Variants in LINGO1 observed in about 807,000 individuals in gnomAD.
LINGO1 encodes leucine rich repeat and Ig domain containing 1, also known as leucine-rich repeat and immunoglobulin-like domain-containing nogo receptor-interacting protein 1.
LINGO1 carries 11 observed loss-of-function variants against 37.3 expected under a neutral mutation model. The ratio of observed to expected loss-of-function variants is 0.29; its 90% CI spans 0.19 to 0.49. The LOEUF (loss-of-function observed/expected upper bound fraction) is 0.49, where lower values mean the gene tolerates loss of function less well. Among genes scored for constraint, LINGO1 ranks in the 20% least tolerant of loss-of-function variants. The probability of loss-of-function intolerance (pLI) is 0.99; values close to 1 mark genes in which losing one functional copy is unlikely to be tolerated. For missense variants in LINGO1, 585 were observed against 878.2 expected, an observed-to-expected ratio of 0.67 and a Z score of 4.22; for synonymous variants, 387 against 403.0, an observed-to-expected ratio of 0.96 and a Z score of 0.48.
intron 1 of LINGO1, among the ~76,000 whole-genome samples, chr15:77,754,186 G>A (rs1408150479): frequency 2.0e-5 from 3 of 150,278 alleles, no homozygotes; most frequent in African/African-American, 4.9e-5. Flanking sequence ...GGAGGGAGCA[G>A]GAGCAAGAGG....
At position 77,615,622 on chromosome 15, in the gene LINGO1, C is replaced by T. The variant is rs761129304; in HGVS notation, c.285G>A (p.Pro95=). The T allele has an allele frequency of 2.9e-5, 46 of 1,611,570 alleles. No individual in the cohort carries two copies. Among genetic ancestry groups the T allele is most frequent in the African/African-American group, 2.5e-4 (19 of 74,740 alleles). ...CGTTGAGCTCCAGCTCCTCCAGGTG[C>T]GGGAAGCTGGCGAACTCGTCCTGGT... ...TLNQDEFASF[P]HLEELELNEN... Residue 95 remains proline (P), a synonymous_variant, in exon 2 of 2, where the codon CCG becomes CCA. Coordinates refer to ENST00000355300, the MANE Select transcript of LINGO1 (RefSeq NM_032808.7).
chr15:77,816,592 C>T (rs903880830), intron 1 of LINGO1, among the ~76,000 whole-genome samples: 3 of 152,160 alleles, frequency 2.0e-5, no homozygotes, highest in Admixed American at 6.5e-5. Flanking sequence ...TCACACTGGG[C>T]ACTGCTCCCT....
chr15:77,682,447 T>C (rs1220604420), intron 2 of LINGO1, among the ~76,000 whole-genome samples: 1 of 152,072 alleles, frequency 6.6e-6, no homozygotes, highest in African/African-American at 2.4e-5. Context: ...TATGTGTTCC[T>C]ATGTCCATGT....
chr15:77,681,612 T>A (rs1567517477), intron 2 of LINGO1, among the ~76,000 whole-genome samples: 1 of 152,136 alleles, frequency 6.6e-6, no homozygotes, highest in Non-Finnish European at 1.5e-5. Context: ...CCTTGAATGG[T>A]TTTTGCTGAT....
chr15:77,627,805 T>C (rs185825554), intron 1 of LINGO1, among the ~76,000 whole-genome samples: 3 of 152,158 alleles, frequency 2.0e-5, no homozygotes, highest in Non-Finnish European at 2.9e-5. Flanking sequence ...TCATCCTACT[T>C]GCTTGGGGAG....
chr15:77,649,026 C>T (rs946469848), intron 3 of LINGO1: 10 of 152,210 alleles, frequency 6.6e-5, no homozygotes, highest in African/African-American at 2.4e-4. Context: ...GTCCGTGGAA[C>T]CCAAAGTCCA....
intron 1 of LINGO1, among the ~76,000 whole-genome samples, chr15:77,770,676 G>A (rs1277731187): frequency 6.6e-6 from 1 of 151,922 alleles, no homozygotes; most frequent in Non-Finnish European, 1.5e-5. Context: ...CGAAGAGGGG[G>A]TTTAAATCCA....
At chr15:77,616,959 T>C (rs1220588084) in intron 1 of LINGO1, among the ~76,000 whole-genome samples, 5 of 152,170 alleles carry the variant, frequency 3.3e-5, no homozygotes, top group Admixed American at 3.3e-4. Context: ...TTCTTCCTAG[T>C]ACCAGAGTTC....
chr15:77,774,288 T>C (rs2076615109), intron 1 of LINGO1, among the ~76,000 whole-genome samples: 3 of 151,986 alleles, frequency 2.0e-5, no homozygotes, highest in Admixed American at 2.0e-4. Context: ...AACTGCCAGA[T>C]ACCCACTTGG....
In LINGO1 at chr15:77,615,189, G is replaced by A; in HGVS notation, c.718C>T (p.Arg240Ter). The stretch of plus-strand genomic sequence containing the variant: ...TGGGAGATCTCCAAGACCTTGAGTC[G>A]GTACAGCCTCTTGAAGGAGTAGTCC... ...IRDYSFKRLY[R>*]LKVLEISHWP... Residue 240 changes from arginine to a stop codon, truncating the protein, a stop_gained, in exon 2 of 2, where the codon CGA becomes TGA. Coordinates refer to ENST00000355300, the MANE Select transcript of LINGO1 (RefSeq NM_032808.7). LOFTEE classifies it high-confidence loss of function. 6.2e-7 allele frequency: 1 copy of A among 1,613,746 alleles called. No homozygotes were observed. Among genetic ancestry groups the A allele is most frequent in the Non-Finnish European group, 8.5e-7 (1 of 1,179,796 alleles).
At chr15:77,718,365 C>A (rs546390269) in intron 2 of LINGO1, among the ~76,000 whole-genome samples, 5 of 151,128 alleles carry the variant, frequency 3.3e-5, no homozygotes, top group Admixed American at 1.3e-4. Context: ...AGCATGCCCA[C>A]GCATGGCTGT....
chr15:77,634,790 C>T (rs2074362582), upstream of LINGO1, among the ~76,000 whole-genome samples: 1 of 151,534 alleles, frequency 6.6e-6, no homozygotes. Context: ...TGTGAGCTAC[C>T]CGTGCGCTCC....
intron 2 of LINGO1, among the ~76,000 whole-genome samples, chr15:77,706,019 C>G (rs2075848054): frequency 6.6e-6 from 1 of 152,192 alleles, no homozygotes; most frequent in Non-Finnish European, 1.5e-5. Flanking sequence ...GTGGGCCGCA[C>G]TTTACCTTTC....
chr15:77,664,192 T>G (rs1207030925), intron 3 of LINGO1, among the ~76,000 whole-genome samples: 2 of 131,024 alleles, frequency 1.5e-5, no homozygotes, highest in Non-Finnish European at 1.6e-5. Context: ...TGCGTTTGCA[T>G]TCTCAGCCCT....
chr15:77,678,468 T>C (rs1447553378), intron 2 of LINGO1, among the ~76,000 whole-genome samples: 2 of 152,264 alleles, frequency 1.3e-5, no homozygotes, highest in Non-Finnish European at 2.9e-5. Flanking sequence ...CCCAGCATAA[T>C]GCACTTCACA....
At position 77,815,787 on chromosome 15, in the gene LINGO1, A is replaced by T. The variant is rs537596974; in HGVS notation, c.-458+4471T>A. Among the ~76,000 whole-genome samples, 13 of 152,164 alleles carry T rather than the reference A, an allele frequency of 8.5e-5. No individual in the cohort carries two copies. The South Asian group carries it at 2.5e-3, about 29-fold the overall frequency. ...ACCAGAGACGTGGTTTATATCGCACATCTAATTGTGTTCCTCCAGAACTTC... is the reference window on the plus strand; with the variant it reads ...ACCAGAGACGTGGTTTATATCGCACTTCTAATTGTGTTCCTCCAGAACTTC... On this transcript the variant is annotated intron_variant, in intron 1 of 5. Coordinates refer to the LINGO1 transcript ENST00000562933.
intron 1 of LINGO1, among the ~76,000 whole-genome samples, chr15:77,620,698 G>A (rs2073890752): frequency 6.6e-6 from 1 of 152,232 alleles, no homozygotes; most frequent in African/African-American, 2.4e-5. Flanking sequence ...GGGAATGGGA[G>A]GCTCAGACCC....
chr15:77,809,937 T>C (rs2076989935), intron 1 of LINGO1, among the ~76,000 whole-genome samples: 1 of 152,120 alleles, frequency 6.6e-6, no homozygotes, highest in African/African-American at 2.4e-5. Context: ...GCTGCAGGGC[T>C]GGAGAGCAGG....
chr15:77,639,096 T>C (rs1024948171), upstream of LINGO1, among the ~76,000 whole-genome samples: 11 of 152,020 alleles, frequency 7.2e-5, no homozygotes, highest in Non-Finnish European at 1.3e-4. Context: ...GACCTTCCAA[T>C]CGCCACTTGA....
Sources: allele counts gnomAD v4.1 joint callset (sites outside exome capture counted in the v4.1 genomes callset), GRCh38; gene constraint gnomAD v4.1.1; transcripts MANE v1.5; gene names NCBI Gene and HGNC (gene_info 2026-07-23, HGNC 2026-07-21).